Variants in HBS1L observed in about 807,000 individuals in gnomAD.
HBS1L encodes HBS1 like translational GTPase.
HBS1L carries 55 observed loss-of-function variants against 88.9 expected under a neutral mutation model. That is an observed-to-expected ratio of 0.62 (90% CI 0.50 to 0.77). HBS1L has a LOEUF of 0.77. Among genes scored for constraint, HBS1L ranks in the 30% least tolerant of loss-of-function variants. The probability of loss-of-function intolerance (pLI) is 0.00; values close to 1 mark genes in which losing one functional copy is unlikely to be tolerated. For missense variants in HBS1L, 741 were observed against 829.3 expected (o/e 0.89, Z 1.31); for synonymous variants, 267 against 288.5 (o/e 0.93, Z 0.76).
chr6:135,035,403 TGCACTCCAGCCTG>T (rs1413998042), intron 4 of HBS1L, among the ~76,000 whole-genome samples: 1 of 150,820 alleles, frequency 6.6e-6, no homozygotes, highest in African/African-American at 2.4e-5. Context: ...TGAGCGTCAC[TGCACTCCAGCCTG>T]GCGACAGAGA....
At chr6:135,051,031 G>A (rs187229124) in intron 1 of HBS1L, among the ~76,000 whole-genome samples, 40 of 152,164 alleles carry the variant, frequency 2.6e-4, no homozygotes, top group Middle Eastern at 3.4e-3. Context: ...TTTGAGACCC[G>A]CCTGACCAAT....
In HBS1L at chr6:134,978,710, T is replaced by C. The variant is rs748969033; in HGVS notation, c.1766A>G (p.Asn589Ser). The C allele has an allele frequency of 4.4e-6, 7 of 1,602,676 alleles. No homozygotes were observed. In the East Asian group the frequency reaches 1.6e-4, roughly 36 times the overall value. The change falls in exon 15 of 18, where the codon AAT becomes AGT. Residue 589 changes from asparagine (N) to serine (S), a missense_variant. Asn to Ser is a conservative substitution (Grantham distance 46, BLOSUM62 1). Transcript: ENST00000367837. ...TCCTTTAGTGATAGGAATTTCAATA[T>C]TAAAGATGAGGATTCGGGCTCTGAA... ...TRFRARILIF[N>S]IEIPITKGFP... is the part of the protein sequence containing the mutation.
rs572477903 is a variant in HBS1L, at chr6:135,047,669, C to T, written c.109+2913G>A. Reference sequence around the variant, plus strand: ...ATAAATACATATAACAGTCTCCTAACGAGTCTACTTACATCCACCCATATA... The same window carrying T: ...ATAAATACATATAACAGTCTCCTAATGAGTCTACTTACATCCACCCATATA... On this transcript the variant is annotated intron_variant, in intron 2 of 17. Coordinates refer to ENST00000367837, the MANE Select transcript of HBS1L (RefSeq NM_006620.4). 3.3e-5 allele frequency among the ~76,000 whole-genome samples: 5 copies of T among 152,312 alleles called. No homozygotes were observed. In the South Asian group the frequency reaches 1.0e-3, roughly 32 times the overall value.
intron 4 of HBS1L, among the ~76,000 whole-genome samples, chr6:135,020,161 CAA>C (rs3834279): frequency 0.47 from 67,266 of 142,798 alleles, 15,624 homozygotes; most frequent in South Asian, 0.58. Flanking sequence ...AAAAACCCTC[CAA>C]AAAAAAAAAA....
chr6:135,037,517 G>A (rs775273481), intron 4 of HBS1L: 3 of 1,550,024 alleles, frequency 1.9e-6, no homozygotes, highest in Admixed American at 2.0e-5. Context: ...AAACTGTCCT[G>A]TACTGGAATG....
At chr6:135,044,232 A>G (rs2114915573) in intron 2 of HBS1L, among the ~76,000 whole-genome samples, 2 of 152,302 alleles carry the variant, frequency 1.3e-5, no homozygotes, top group Admixed American at 1.3e-4. Flanking sequence ...ATCTTTTCAA[A>G]TGTGCAAGCA....
chr6:135,009,782 C>T (rs1049753485), intron 4 of HBS1L, among the ~76,000 whole-genome samples: 9 of 150,362 alleles, frequency 6.0e-5, no homozygotes, highest in African/African-American at 9.8e-5. Context: ...TACAGGTGCC[C>T]GCCACTGCGC....
rs1402977824 is a variant in HBS1L, at chr6:134,962,857, CTT to C, written c.*2420_*2421del. 1 of 152,212 alleles carries C rather than the reference CTT, an allele frequency of 6.6e-6. No homozygotes were observed. The highest frequency in any genetic ancestry group is 2.4e-5 in the African/African-American group (1 of 41,464). 9.4% of individuals were successfully genotyped at this position (152,212 alleles called of 1,614,324 possible). A position where few individuals can be genotyped will look rare whatever the true frequency, so the allele number is the denominator to read the frequency against. ...AAGCTTGGGCATGTCTGCTTTACCT[CTT>C]TGTCACTTAATCAACTCGAGCCTTC... On this transcript the variant is annotated 3_prime_UTR_variant, in exon 18 of 18. Coordinates refer to ENST00000367837, the MANE Select transcript of HBS1L (RefSeq NM_006620.4).
chr6:135,054,125 GA>G (rs1346962126), intron 1 of HBS1L, among the ~76,000 whole-genome samples: 1 of 152,202 alleles, frequency 6.6e-6, no homozygotes, highest in Non-Finnish European at 1.5e-5. Flanking sequence ...GAAATTCGTT[GA>G]AAAATAAATT....
At chr6:134,977,081 A>AT (rs1393848562) in intron 15 of HBS1L, among the ~76,000 whole-genome samples, 1 of 151,840 alleles carries the variant, frequency 6.6e-6, no homozygotes, top group African/African-American at 2.4e-5. Flanking sequence ...TGCTTAAAAA[A>AT]TTTTTTTTCA....
intron 12 of HBS1L, among the ~76,000 whole-genome samples, chr6:134,983,873 GGTCAGAGAAATAGAC>G (rs1441008136): frequency 6.6e-6 from 1 of 152,098 alleles, no homozygotes; most frequent in Non-Finnish European, 1.5e-5. Context: ...GAGATAGACA[GGTCAGAGAAATAGAC>G]AGGTTAACAG....
At chr6:134,965,321 C>T (rs1562269465) in intron 17 of HBS1L, 31 bp from the exon 18 acceptor site, 3 of 1,417,008 alleles carry the variant, frequency 2.1e-6, no homozygotes, top group Non-Finnish European at 3.0e-6. Flanking sequence ...AAGACATTTG[C>T]TGTAATTTAA....
chr6:134,995,975 A>C (rs1361870961), intron 7 of HBS1L, among the ~76,000 whole-genome samples: 2 of 152,172 alleles, frequency 1.3e-5, no homozygotes, highest in African/African-American at 4.8e-5. Flanking sequence ...TTAAAAAGGC[A>C]TGAAAATCCA....
chr6:135,014,416 A>T (rs1406402259), intron 4 of HBS1L, among the ~76,000 whole-genome samples: 1 of 152,186 alleles, frequency 6.6e-6, no homozygotes, highest in South Asian at 2.1e-4. Context: ...TGAGTGACAG[A>T]CTGTTTTTAG....
intron 4 of HBS1L, chr6:135,037,806 C>T: frequency 3.2e-6 from 5 of 1,547,858 alleles, no homozygotes; most frequent in Non-Finnish European, 4.4e-6. Flanking sequence ...CTTTTGTTAA[C>T]TTACATGATT....
intron 4 of HBS1L, chr6:135,036,101 A>C: frequency 1.5e-6 from 1 of 658,264 alleles, no homozygotes; most frequent in Non-Finnish European, 1.9e-6. Flanking sequence ...TGAAACTAGG[A>C]ATTATATCAT....
chr6:135,048,402 T>C (rs1159481417), intron 2 of HBS1L, among the ~76,000 whole-genome samples: 3 of 152,190 alleles, frequency 2.0e-5, no homozygotes, highest in African/African-American at 7.2e-5. Flanking sequence ...AAAGGCTGAA[T>C]CCCAGCTCTA....
At chr6:134,987,285 T>C (rs1775004947) in intron 9 of HBS1L, among the ~76,000 whole-genome samples, 1 of 152,078 alleles carries the variant, frequency 6.6e-6, no homozygotes, top group Non-Finnish European at 1.5e-5. Context: ...TTCTTATCTA[T>C]AAAAATAAAT....
chr6:134,985,565 T>G (rs1206743313), intron 11 of HBS1L, among the ~76,000 whole-genome samples, 156 bp from the exon 12 acceptor site: 1 of 152,100 alleles, frequency 6.6e-6, no homozygotes, highest in Non-Finnish European at 1.5e-5. Context: ...ACATTGAGCA[T>G]CCCAAATCCA....
Sources: allele counts gnomAD v4.1 joint callset (sites outside exome capture counted in the v4.1 genomes callset), GRCh38; gene constraint gnomAD v4.1.1; transcripts MANE v1.5; gene names NCBI Gene and HGNC (gene_info 2026-07-23, HGNC 2026-07-21).